SCD: variants seen among roughly 807,000 people sequenced by gnomAD.
The protein encoded by SCD is acyl-CoA desaturase.
A neutral mutation model predicts 35.7 loss-of-function variants in SCD; 4 were observed. That is an observed-to-expected ratio of 0.11 (90% CI 0.06 to 0.26). SCD has a LOEUF of 0.26. Ranked by LOEUF, SCD falls within the 10% of genes least tolerant of loss-of-function variation. The pLI, the probability that SCD is intolerant of heterozygous loss-of-function variation, is 1.00. For missense variants in SCD, 282 were observed against 460.7 expected (o/e 0.61, Z 3.55); for synonymous variants, 150 against 170.2 (o/e 0.88, Z 0.92).
Position 100,359,698 on chromosome 10 carries a change from G to A in SCD, c.881-1036G>A, listed in dbSNP as rs139498102. The stretch of plus-strand genomic sequence containing the variant: ...CTTCCTTGCCTTGCTTCTGATTAAT[G>A]TCATGACTGGTCTGTCTGAGGGTAC... On this transcript the variant is annotated intron_variant, in intron 5 of 5. Coordinates refer to ENST00000370355, the MANE Select transcript of SCD (RefSeq NM_005063.5). 1.9e-3 allele frequency among the ~76,000 whole-genome samples: 285 copies of A among 152,266 alleles called. 1 individual carries two copies. The highest frequency in any genetic ancestry group is 6.6e-3 in the African/African-American group (274 of 41,536).
chr10:100,360,744 C>T lies in SCD; in HGVS notation c.891C>T (p.Phe297=), dbSNP rs754601878. The T allele has an allele frequency of 4.3e-6, 7 of 1,613,978 alleles. No individual in the cohort carries two copies. The highest frequency in any genetic ancestry group is 1.7e-4 in the Middle Eastern group (1 of 6,056). ...LVSLGAVGEG[F]HNYHHSFPYD... is the part of the protein sequence containing the mutation. Reference sequence around the variant, plus strand: ...TCGCTTTTGTTTCAGGTGAGGGCTTCCACAACTACCACCACTCCTTTCCCT... The same window carrying T: ...TCGCTTTTGTTTCAGGTGAGGGCTTTCACAACTACCACCACTCCTTTCCCT... The change falls in exon 6 of 6, where the codon TTC becomes TTT. Residue 297 remains phenylalanine (F), a synonymous_variant. Coordinates refer to ENST00000370355, the MANE Select transcript of SCD (RefSeq NM_005063.5).
intron 2 of SCD, among the ~76,000 whole-genome samples, chr10:100,351,490 C>G (rs1443298599): frequency 6.6e-6 from 1 of 152,142 alleles, no homozygotes; most frequent in Non-Finnish European, 1.5e-5. Flanking sequence ...GATTTATGCA[C>G]AGGGCTAATT....
Position 100,351,932 on chromosome 10 carries a change from C to T in SCD, c.311-434C>T, listed in dbSNP as rs112350571. ...TGCTGGGATGACAAAGTGGTTCATA[C>T]TACACCTGGCCCTCTGCTGTTATTT... On this transcript the variant is annotated intron_variant, in intron 2 of 5. Coordinates refer to ENST00000370355, the MANE Select transcript of SCD (RefSeq NM_005063.5). Among the ~76,000 whole-genome samples the T allele has an allele frequency of 1.6e-4, 25 of 152,290 alleles. 1 individual carries two copies. The highest frequency in any genetic ancestry group is 5.8e-4 in the African/African-American group (24 of 41,550).
chr10:100,362,800 C>A lies in SCD; in HGVS notation c.*1867C>A, dbSNP rs1323599078. 2 of 152,320 alleles carry A rather than the reference C, an allele frequency of 1.3e-5. No individual in the cohort carries two copies. Among genetic ancestry groups the A allele is most frequent in the African/African-American group, 4.8e-5 (2 of 41,450 alleles). 9.4% of individuals were successfully genotyped at this position (152,320 alleles called of 1,614,324 possible). A position where few individuals can be genotyped will look rare whatever the true frequency, so the allele number is the denominator to read the frequency against. ...GAAACATCTCTGGCCCAGAAAGCCT[C>A]TCTCTCCCTCCCTCTCTCATGAGGC... is the stretch of plus-strand genomic sequence containing the variant. On this transcript the variant is annotated 3_prime_UTR_variant, in exon 6 of 6. Transcript: ENST00000370355.
rs1197762834 is a variant in SCD at position 100,361,222 on chromosome 10, G to A, written c.*289G>A. On this transcript the variant is annotated 3_prime_UTR_variant, in exon 6 of 6. Coordinates refer to ENST00000370355, the MANE Select transcript of SCD (RefSeq NM_005063.5). ...TCCCTTATTGCCTCCCAGGCAAGCA[G>A]CTGGTCAGTCTTTGCTCAGTGTCCA... The A allele has an allele frequency of 2.5e-6, 1 of 399,724 alleles. No homozygotes were observed. The highest frequency in any genetic ancestry group is 4.6e-6 in the Non-Finnish European group (1 of 218,440). 24.8% of individuals were successfully genotyped at this position (399,724 alleles called of 1,614,324 possible). A position where few individuals can be genotyped will look rare whatever the true frequency, so the allele number is the denominator to read the frequency against.
chr10:100,357,519 C>T (rs535467573), intron 5 of SCD, among the ~76,000 whole-genome samples: 2 of 152,294 alleles, frequency 1.3e-5, no homozygotes, highest in Admixed American at 1.3e-4. Flanking sequence ...TACTTCTATT[C>T]TGGGCTAGGA....
At position 100,347,523 on chromosome 10, in the gene SCD, C is replaced by G; in HGVS notation, c.19C>G (p.Gln7Glu). The change falls in exon 1 of 6, where the codon CAG becomes GAG. Residue 7 changes from glutamine (Q) to glutamate (E), a missense_variant. Physicochemically the swap from Gln to Glu is conservative, Grantham distance 29. Around this residue, in one of 2 missense-constraint regions of SCD, gnomAD observed 77 missense variants for 88.4 expected, o/e 0.87. Transcript: ENST00000370355. MPAHLL[Q>E]DDISSSYTTT... ...AGCCAAGATGCCGGCCCACTTGCTG[C>G]AGGACGATGTGAGTTTCCCAGCCTG... is the stretch of plus-strand genomic sequence containing the variant. The G allele has an allele frequency of 2.5e-6, 4 of 1,614,010 alleles. No homozygotes were observed. Among genetic ancestry groups the G allele is most frequent in the Non-Finnish European group, 3.4e-6 (4 of 1,180,012 alleles).
At chr10:100,358,221 G>C (rs1007796018) in intron 5 of SCD, among the ~76,000 whole-genome samples, 1 of 151,932 alleles carries the variant, frequency 6.6e-6, no homozygotes, top group East Asian at 2.0e-4. Context: ...GGCTGGTCTC[G>C]AACTCCTGAG....
intron 1 of SCD, among the ~76,000 whole-genome samples, 179 bp from the exon 2 acceptor site, chr10:100,347,885 G>A (rs777002659): frequency 4.6e-5 from 7 of 151,908 alleles, no homozygotes; most frequent in Non-Finnish European, 1.0e-4. Flanking sequence ...TAATGTATCT[G>A]TACAGTTTCA....
In SCD at chr10:100,361,410, C is replaced by G. The variant is rs572492928; in HGVS notation, c.*477C>G. 1.3e-5 allele frequency: 2 copies of G among 157,642 alleles called. No homozygotes were observed. The highest frequency in any genetic ancestry group is 3.7e-4 in the South Asian group (2 of 5,340). The allele number at this position is 157,642 out of a possible 1,614,324, so 9.8% of individuals were successfully genotyped here. ...CCCTGTTGATTATCTTCAGCCCAGGCTTTTGCTAGATGGAATGGAAAAGCA... is the reference window on the plus strand; with the variant it reads ...CCCTGTTGATTATCTTCAGCCCAGGGTTTTGCTAGATGGAATGGAAAAGCA... On this transcript the variant is annotated 3_prime_UTR_variant, in exon 6 of 6. Coordinates refer to ENST00000370355, the MANE Select transcript of SCD (RefSeq NM_005063.5).
Position 100,356,576 on chromosome 10 carries a change from C to T in SCD, c.692C>T (p.Thr231Met), listed in dbSNP as rs201769718. The T allele has an allele frequency of 7.0e-5, 113 of 1,613,976 alleles. No individual in the cohort carries two copies. The highest frequency in any genetic ancestry group is 8.3e-5 in the Admixed American group (5 of 59,996). The change falls in exon 5 of 6, where the codon ACG (threonine) becomes ATG (methionine). Residue 231 changes from threonine to methionine, a missense_variant. This residue lies in a region of SCD where 205 missense variants were observed against 372.3 expected (regional missense o/e 0.55). Transcript: ENST00000370355. This position sits in a 1 kb window ranked among gnomAD's most constrained non-coding sequence, Gnocchi z 4.1. ...CTGATGATGTGCTTCATCCTGCCCA[C>T]GCTTGTGCCCTGGTATTTCTGGGGT... ...GLLMMCFILP[T>M]LVPWYFWGET...
chr10:100,358,747 T>TAAAAAA (rs11381871), intron 5 of SCD, among the ~76,000 whole-genome samples: 1 of 112,900 alleles, frequency 8.9e-6, no homozygotes, highest in African/African-American at 3.5e-5. Context: ...TGTCTCTACT[T>TAAAAAA]AAAAAAAAAA....
In SCD at chr10:100,356,720, A is replaced by T. The variant is rs150534596; in HGVS notation, c.836A>T (p.Asn279Ile). The change falls in exon 5 of 6, where the codon AAC becomes ATC. Residue 279 changes from asparagine (N) to isoleucine (I), a missense_variant. Around this residue, in one of 2 missense-constraint regions of SCD, gnomAD observed 205 missense variants for 372.3 expected, o/e 0.55. Transcript: ENST00000370355. The surrounding 1 kb of genome is among the most constrained non-coding windows in gnomAD (Gnocchi z 4.1). ...TTCGGATATCGTCCTTATGACAAGAACATTAGCCCCCGGGAGAATATCCTG... is the reference window on the plus strand; with the variant it reads ...TTCGGATATCGTCCTTATGACAAGATCATTAGCCCCCGGGAGAATATCCTG... ...HLFGYRPYDK[N>I]ISPRENILVS... 6.2e-7 allele frequency: 1 copy of T among 1,614,238 alleles called. No homozygotes were observed. The highest frequency in any genetic ancestry group is 8.5e-7 in the Non-Finnish European group (1 of 1,180,044).
Position 100,362,858 on chromosome 10 carries a change from G to A in SCD, c.*1925G>A, listed in dbSNP as rs1272924109. 3.9e-5 allele frequency: 6 copies of A among 152,220 alleles called. No individual in the cohort carries two copies. The highest frequency in any genetic ancestry group is 1.4e-4 in the African/African-American group (6 of 41,452). 9.4% of individuals were successfully genotyped at this position (152,220 alleles called of 1,614,324 possible). A position where few individuals can be genotyped will look rare whatever the true frequency, so the allele number is the denominator to read the frequency against. On this transcript the variant is annotated 3_prime_UTR_variant, in exon 6 of 6. Coordinates refer to ENST00000370355, the MANE Select transcript of SCD (RefSeq NM_005063.5). ...AGCCAAGCGCTCATGTTGAGCCAGT[G>A]GGCCAGCCACAGAGCAAAAGAGGGT...
rs201498417 is a variant in SCD at position 100,363,921 on chromosome 10, T to C, written c.*2988T>C. On this transcript the variant is annotated 3_prime_UTR_variant, in exon 6 of 6. Coordinates refer to ENST00000370355, the MANE Select transcript of SCD (RefSeq NM_005063.5). ...TGCATATGAGCCTGCCCTCACTCCC[T>C]CTGCAGAATCCCTTTGCACCTGAGA... 1.3e-5 allele frequency: 2 copies of C among 152,598 alleles called. No homozygotes were observed. The highest frequency in any genetic ancestry group is 4.1e-4 in the South Asian group (2 of 4,828). 9.5% of individuals were successfully genotyped at this position (152,598 alleles called of 1,614,324 possible). A position where few individuals can be genotyped will look rare whatever the true frequency, so the allele number is the denominator to read the frequency against.
rs1196687685 is a variant in SCD, at chr10:100,362,460, C to T, written c.*1527C>T. 1 of 152,138 alleles carries T rather than the reference C, an allele frequency of 6.6e-6. No individual in the cohort carries two copies. Among genetic ancestry groups the T allele is most frequent in the Non-Finnish European group, 1.5e-5 (1 of 68,034 alleles). 9.4% of individuals were successfully genotyped at this position (152,138 alleles called of 1,614,324 possible). Reference sequence around the variant, plus strand: ...GCCTGGGGGGCAGGGTTAGGAATCTCTTCACTACCCTGATTCTTGATTCCT... The same window carrying T: ...GCCTGGGGGGCAGGGTTAGGAATCTTTTCACTACCCTGATTCTTGATTCCT... On this transcript the variant is annotated 3_prime_UTR_variant, in exon 6 of 6. Transcript: ENST00000370355.
At chr10:100,354,265 G>A (rs1849902863) in intron 3 of SCD, among the ~76,000 whole-genome samples, 162 bp from the exon 4 acceptor site, 1 of 152,186 alleles carries the variant, frequency 6.6e-6, no homozygotes, top group South Asian at 2.1e-4. Flanking sequence ...TGGCAAGTTG[G>A]GAGAAGAAGG....
chr10:100,358,261 A>G (rs534647220), intron 5 of SCD, among the ~76,000 whole-genome samples: 3 of 152,054 alleles, frequency 2.0e-5, no homozygotes, highest in South Asian at 2.1e-4. Context: ...TTGGCCTCCC[A>G]AAGTGCTGGA....
Position 100,354,643 on chromosome 10 carries a change from C to G in SCD, c.647+11C>G, listed in dbSNP as rs776474403. 1.2e-6 allele frequency: 2 copies of G among 1,610,180 alleles called. No individual in the cohort carries two copies. The highest frequency in any genetic ancestry group is 2.2e-5 in the East Asian group (1 of 44,854). On this transcript the variant is annotated intron_variant, in intron 4 of 5. Transcript: ENST00000370355. ...GATGTTCCAGAGGAGGTGAGTGAAG[C>G]CCTGATGGAGGTGGGGATATGGCCC...
Sources: gnomAD v4.1 joint callset for allele counts (sites outside exome capture counted in the v4.1 genomes callset) on GRCh38, gnomAD v4.1.1 for gene constraint, gnomAD v4.1.1 regional missense constraint, Gnocchi (gnomAD v3.1) non-coding constraint, MANE v1.5 for transcripts, NCBI Gene and HGNC (gene_info 2026-07-23, HGNC 2026-07-21) for gene names.